Variants in DUSP6 observed in about 807,000 individuals in gnomAD.
The protein encoded by DUSP6 is dual specificity protein phosphatase 6.
A neutral mutation model predicts 28.0 loss-of-function variants in DUSP6; 6 were observed. The observed-to-expected ratio is 0.21, with a 90% confidence interval of 0.12 to 0.42. The LOEUF (loss-of-function observed/expected upper bound fraction) is 0.42. Ranked by LOEUF, DUSP6 falls within the 10% of genes least tolerant of loss-of-function variation. The pLI, the probability that DUSP6 is intolerant of heterozygous loss-of-function variation, is 1.00. For missense variants in DUSP6, 451 were observed against 498.1 expected, an observed-to-expected ratio of 0.91 and a Z score of 0.90; for synonymous variants, 252 against 217.5, an observed-to-expected ratio of 1.16 and a Z score of -1.40.
At position 89,348,453 on chromosome 12, in the gene DUSP6, G is replaced by T. The variant is rs1059403; in HGVS notation, c.*801C>A. On this transcript the variant is annotated 3_prime_UTR_variant, in exon 3 of 3. Coordinates refer to ENST00000279488, the MANE Select transcript of DUSP6 (RefSeq NM_001946.4). The stretch of plus-strand genomic sequence containing the variant: ...AAAATATTTACAAAGGTAAGGCATA[G>T]TCAAACTACATAAAGAGAAAAAATC... 15 of 135,452 alleles carry T rather than the reference G, an allele frequency of 1.1e-4. No homozygotes were observed. The highest frequency in any genetic ancestry group is 6.0e-4 in the Admixed American group (7 of 11,694). The allele number at this position is 135,452 out of a possible 1,614,324, so 8.4% of individuals were successfully genotyped here.
At chr12:89,350,545 T>C in intron 2 of DUSP6, 43 bp downstream of exon 2, 1 of 1,566,396 alleles carries the variant, frequency 6.4e-7, no homozygotes. Context: ...GGCTAGGAAT[T>C]TTGCATTTAA....
chr12:89,351,588 C>CAGCCCTGCGCCCCT (rs1320877380), intron 1 of DUSP6, 52 bp downstream of exon 1: 3 of 1,513,174 alleles, frequency 2.0e-6, no homozygotes, highest in Non-Finnish European at 2.7e-6. Context: ...GCCCCGCCCG[C>CAGCCCTGCGCCCCT]AGCCCTGCGC....
rs776533819 is a variant in DUSP6 at position 89,349,290 on chromosome 12, C to T, written c.1110G>A (p.Gln370=). ...GCAGAGAGTCCACCTGGTATACATT[C>T]TGGTTGGAAGGGGTGGTAAAATACA... ...QQLYFTTPSN[Q]NVYQVDSLQS... Residue 370 remains glutamine, a synonymous_variant, in exon 3 of 3, where the codon CAG becomes CAA. Transcript: ENST00000279488. The T allele has an allele frequency of 3.6e-5, 58 of 1,613,794 alleles. 1 individual carries two copies. The highest frequency in any genetic ancestry group is 2.5e-6 in the Non-Finnish European group (3 of 1,179,842).
intron 1 of DUSP6, 176 bp downstream of exon 1, chr12:89,351,464 T>C: frequency 9.0e-7 from 1 of 1,115,928 alleles, no homozygotes; most frequent in Non-Finnish European, 1.2e-6. Flanking sequence ...GGCCCGGTTC[T>C]CTGGTGCGGA....
At chr12:89,351,196 C>T in intron 1 of DUSP6, 171 bp from the exon 2 acceptor site, 2 of 780,062 alleles carry the variant, frequency 2.6e-6, no homozygotes, top group Non-Finnish European at 4.0e-6. Context: ...GGGAATGGAA[C>T]GAACGGGCCC....
rs913806881 is a variant in DUSP6, at chr12:89,347,906, T to A, written c.*1348A>T. ...TGTCATCTTTATTCGTGGCAAACGATGAATTTCATAAACTGCTGCTGAAAA... is the reference window on the plus strand; with the variant it reads ...TGTCATCTTTATTCGTGGCAAACGAAGAATTTCATAAACTGCTGCTGAAAA... On this transcript the variant is annotated 3_prime_UTR_variant, in exon 3 of 3. Transcript: ENST00000279488. The A allele has an allele frequency of 1.1e-4, 17 of 152,214 alleles. No individual in the cohort carries two copies. Among genetic ancestry groups the A allele is most frequent in the Non-Finnish European group, 2.2e-4 (15 of 68,038 alleles). The allele number at this position is 152,214 out of a possible 1,614,324, so 9.4% of individuals were successfully genotyped here. A position where few individuals can be genotyped will look rare whatever the true frequency, so the allele number is the denominator to read the frequency against.
intron 2 of DUSP6, 47 bp from the exon 3 acceptor site, chr12:89,349,608 C>A (rs760231315): frequency 1.4e-6 from 2 of 1,462,112 alleles, no homozygotes; most frequent in Admixed American, 3.9e-5. Context: ...CTGAAAACCA[C>A]CCTTTGTGAA....
In DUSP6 at chr12:89,352,227, C is replaced by T; in HGVS notation, c.-188G>A. ...TAAAGCCGGAGGTTCTCTCTGCACC[C>T]AGCTGCAGCCGCTGGCTCTTAGTGT... On this transcript the variant is annotated 5_prime_UTR_variant, in exon 1 of 3. Transcript: ENST00000279488. The T allele has an allele frequency of 1.3e-6, 1 of 783,086 alleles. No homozygotes were observed. Among genetic ancestry groups the T allele is most frequent in the African/African-American group, 1.7e-5 (1 of 57,506 alleles). 48.5% of individuals were successfully genotyped at this position (783,086 alleles called of 1,614,324 possible).
At position 89,347,378 on chromosome 12, in the gene DUSP6, A is replaced by G. The variant is rs1879014902; in HGVS notation, c.*1876T>C. 1 of 152,228 alleles carries G rather than the reference A, an allele frequency of 6.6e-6. No homozygotes were observed. Among genetic ancestry groups the G allele is most frequent in the African/African-American group, 2.4e-5 (1 of 41,452 alleles). 9.4% of individuals were successfully genotyped at this position (152,228 alleles called of 1,614,324 possible). A position where few individuals can be genotyped will look rare whatever the true frequency, so the allele number is the denominator to read the frequency against. ...AAAATAATCCCCACAAGTTTCAATAAGGGTTTCTGACCCACATCCCAAGCC... is the reference window on the plus strand; with the variant it reads ...AAAATAATCCCCACAAGTTTCAATAGGGGTTTCTGACCCACATCCCAAGCC... On this transcript the variant is annotated 3_prime_UTR_variant, in exon 3 of 3. Coordinates refer to ENST00000279488, the MANE Select transcript of DUSP6 (RefSeq NM_001946.4).
intron 2 of DUSP6, among the ~76,000 whole-genome samples, 158 bp downstream of exon 2, chr12:89,350,430 G>A (rs999651047): frequency 6.6e-6 from 1 of 152,142 alleles, no homozygotes; most frequent in South Asian, 2.1e-4. Flanking sequence ...TCTTCCTTTA[G>A]CAAGAAGATA....
Position 89,351,944 on chromosome 12 carries a change from C to T in DUSP6, c.96G>A (p.Glu32=). ...GCCGGCAGTCCATCAGCAGCAGCCG[C>T]TCGTTGCCCAGCTCCAGCTGCTCGT... ...WLNEQLELGN[E]RLLLMDCRPQ... is the part of the protein sequence containing the mutation. The change falls in exon 1 of 3, where the codon GAG becomes GAA. Residue 32 remains glutamate, a synonymous_variant. Transcript: ENST00000279488. 3 of 1,613,016 alleles carry T rather than the reference C, an allele frequency of 1.9e-6. No individual in the cohort carries two copies. Among genetic ancestry groups the T allele is most frequent in the Non-Finnish European group, 2.5e-6 (3 of 1,179,956 alleles).
Position 89,351,623 on chromosome 12 carries a change from G to A in DUSP6, c.400+17C>T. Reference sequence around the variant, plus strand: ...CCCCTAGCCCTGCCCCGCGCGCGGAGTTCCCTGGGCGCGTACCTTCCAGGT... The same window carrying A: ...CCCCTAGCCCTGCCCCGCGCGCGGAATTCCCTGGGCGCGTACCTTCCAGGT... On this transcript the variant is annotated intron_variant, in intron 1 of 2. Transcript: ENST00000279488. The A allele has an allele frequency of 3.8e-6, 6 of 1,584,222 alleles. No homozygotes were observed. Among genetic ancestry groups the A allele is most frequent in the Non-Finnish European group, 5.2e-6 (6 of 1,163,232 alleles).
At position 89,350,977 on chromosome 12, in the gene DUSP6, T is replaced by C. The variant is rs1172171465; in HGVS notation, c.449A>G (p.Asn150Ser). The C allele has an allele frequency of 6.8e-6, 11 of 1,611,818 alleles. No individual in the cohort carries two copies. Among genetic ancestry groups the C allele is most frequent in the Non-Finnish European group, 9.3e-6 (11 of 1,179,348 alleles). The stretch of plus-strand genomic sequence containing the variant: ...GCTGCTGCTACACGAGCCGTCTAGA[T>C]TGGTCTCGCAATGCAGGGAGAACTC... ...QAEFSLHCET[N>S]LDGSCSSSSP... Residue 150 changes from asparagine (N) to serine (S), a missense_variant, in exon 2 of 3, where the codon AAT (asparagine) becomes AGT (serine). By Grantham distance (46) the Asn-to-Ser change is conservative. Around this residue, in one of 2 missense-constraint regions of DUSP6, gnomAD observed 347 missense variants for 346.6 expected, o/e 1.00. Coordinates refer to ENST00000279488, the MANE Select transcript of DUSP6 (RefSeq NM_001946.4).
rs1212589466 is a variant in DUSP6, at chr12:89,347,857, C to G, written c.*1397G>C. The stretch of plus-strand genomic sequence containing the variant: ...TCATAAGAGGTATTGTTCATATACA[C>G]GGTACAGTCGGTCCATTCTAGGATG... On this transcript the variant is annotated 3_prime_UTR_variant, in exon 3 of 3. Transcript: ENST00000279488. 6.6e-6 allele frequency: 1 copy of G among 152,158 alleles called. No individual in the cohort carries two copies. Among genetic ancestry groups the G allele is most frequent in the Admixed American group, 6.5e-5 (1 of 15,288 alleles). The allele number at this position is 152,158 out of a possible 1,614,324, so 9.4% of individuals were successfully genotyped here.
chr12:89,349,640 T>C (rs1879112223), intron 2 of DUSP6, 79 bp from the exon 3 acceptor site: 2 of 1,087,146 alleles, frequency 1.8e-6, no homozygotes, highest in Non-Finnish European at 1.3e-6. Context: ...AAAACTGAAC[T>C]TGAAAACATA....
At chr12:89,351,396 G>T in intron 1 of DUSP6, 1 of 636,392 alleles carries the variant, frequency 1.6e-6, no homozygotes, top group African/African-American at 1.8e-5. Flanking sequence ...AGAAGGCGCA[G>T]AACCCGTTAG....
intron 2 of DUSP6, 34 bp from the exon 3 acceptor site, chr12:89,349,595 A>T: frequency 6.4e-7 from 1 of 1,553,234 alleles, no homozygotes. Context: ...AGATCTCAGC[A>T]GACTGAAAAC....
At chr12:89,351,214 C>G in intron 1 of DUSP6, 189 bp from the exon 2 acceptor site, 1 of 716,288 alleles carries the variant, frequency 1.4e-6, no homozygotes, top group Non-Finnish European at 2.2e-6. Flanking sequence ...CCCGCCTCGC[C>G]AGGGAACCCT....
chr12:89,349,599 T>C, intron 2 of DUSP6, 38 bp from the exon 3 acceptor site: 2 of 1,511,322 alleles, frequency 1.3e-6, no homozygotes, highest in Non-Finnish European at 1.8e-6. Flanking sequence ...CTCAGCAGAC[T>C]GAAAACCACC....
Sources: allele counts gnomAD v4.1 joint callset (sites outside exome capture counted in the v4.1 genomes callset), GRCh38; gene constraint gnomAD v4.1.1; regional missense constraint gnomAD v4.1.1; transcripts MANE v1.5; gene names NCBI Gene and HGNC (gene_info 2026-07-23, HGNC 2026-07-21).